The following TBCB variants were observed in gnomAD, a reference collection of about 807,000 sequenced individuals.
The protein encoded by TBCB is tubulin folding cofactor B, also known as tubulin-folding cofactor B.
A neutral mutation model predicts 29.2 loss-of-function variants in TBCB; 18 were observed. The ratio of observed to expected loss-of-function variants is 0.62; its 90% confidence interval spans 0.43 to 0.91. The LOEUF (loss-of-function observed/expected upper bound fraction) is 0.91. Among genes scored for constraint, TBCB ranks in the 40% least tolerant of loss-of-function variants. The pLI, the probability that TBCB is intolerant of heterozygous loss-of-function variation, is 0.00. For synonymous variants in TBCB, 172 were observed against 137.8 expected (o/e 1.25, Z -1.74); for missense variants, 336 against 337.6 (o/e 1.00, Z 0.04).
At chr19:36,123,108 G>A (rs76039766) in intron 4 of TBCB, among the ~76,000 whole-genome samples, 2,568 of 152,220 alleles carry the variant, frequency 0.017, 81 homozygotes, top group African/African-American at 0.058. Context: ...AGTTTCATCC[G>A]TGGCATGCCT....
intron 1 of TBCB, 79 bp downstream of exon 1, chr19:36,115,753 C>T (rs1973939703): frequency 7.7e-7 from 1 of 1,298,318 alleles, no homozygotes; most frequent in Non-Finnish European, 1.1e-6. Flanking sequence ...CTGGGAGGGG[C>T]CGGGGAGTGA....
intron 2 of TBCB, 120 bp downstream of exon 2, chr19:36,116,304 C>T (rs1261100682): frequency 1.5e-6 from 2 of 1,338,294 alleles, no homozygotes; most frequent in African/African-American, 2.9e-5. Context: ...GTGGAGCCTC[C>T]AGTGCAGCCT....
chr19:36,116,946 C>T (rs550101841), intron 2 of TBCB, among the ~76,000 whole-genome samples: 2 of 152,234 alleles, frequency 1.3e-5, no homozygotes, highest in African/African-American at 2.4e-5. Context: ...TCCCTCCCGA[C>T]CTCACTCAGT....
chr19:36,116,260 G>A, intron 2 of TBCB, 76 bp downstream of exon 2: 1 of 1,573,646 alleles, frequency 6.4e-7, no homozygotes, highest in South Asian at 1.2e-5. Context: ...GCTGGGCTTT[G>A]CCCTCAGTCA....
intron 2 of TBCB, among the ~76,000 whole-genome samples, chr19:36,120,207 G>A (rs1390005101): frequency 6.6e-6 from 1 of 152,194 alleles, no homozygotes; most frequent in East Asian, 1.9e-4. Context: ...AGCACAGCCT[G>A]AGGGCAGAGT....
intron 1 of TBCB, 30 bp from the exon 2 acceptor site, chr19:36,116,011 C>G: frequency 1.9e-6 from 3 of 1,604,664 alleles, no homozygotes; most frequent in Non-Finnish European, 2.6e-6. Flanking sequence ...TCCGTGGCCT[C>G]CTTCTTCTCA....
chr19:36,124,693 G>A (rs780030014), intron 4 of TBCB, among the ~76,000 whole-genome samples: 2 of 152,074 alleles, frequency 1.3e-5, no homozygotes, highest in Admixed American at 1.3e-4. Context: ...ACAGGCGCCC[G>A]CCACCACACC....
chr19:36,117,341 G>GT (rs1380478116), intron 2 of TBCB, among the ~76,000 whole-genome samples: 4 of 152,058 alleles, frequency 2.6e-5, no homozygotes, highest in Admixed American at 2.6e-4. Context: ...TCCGTGAATC[G>GT]TTTTTTGTTT....
chr19:36,120,187 C>T (rs535287446), intron 2 of TBCB, among the ~76,000 whole-genome samples: 1 of 152,288 alleles, frequency 6.6e-6, no homozygotes, highest in Non-Finnish European at 1.5e-5. Flanking sequence ...GGCCTTCTCC[C>T]TGCACAATGA....
chr19:36,119,364 C>G (rs1009252046), intron 2 of TBCB, among the ~76,000 whole-genome samples: 17 of 152,160 alleles, frequency 1.1e-4, no homozygotes, highest in Non-Finnish European at 2.4e-4. Flanking sequence ...TGGGCCCGCT[C>G]TCTCCCTCAC....
chr19:36,117,554 G>A (rs554656166), intron 2 of TBCB, among the ~76,000 whole-genome samples: 8 of 152,160 alleles, frequency 5.3e-5, no homozygotes, highest in African/African-American at 1.9e-4. Flanking sequence ...GTTTCACCAT[G>A]TTGGCCAGGC....
intron 2 of TBCB, chr19:36,120,488 G>A (rs1355235187): frequency 5.4e-6 from 3 of 551,124 alleles, no homozygotes; most frequent in Non-Finnish European, 9.8e-6. Context: ...TCTGGGGACA[G>A]AGGCAGCCTC....
chr19:36,122,888 A>C (rs906784374), intron 4 of TBCB, among the ~76,000 whole-genome samples: 1 of 151,832 alleles, frequency 6.6e-6, no homozygotes, highest in African/African-American at 2.4e-5. Context: ...CCAACAGATA[A>C]TTTTTCAACC....
intron 4 of TBCB, chr19:36,122,078 G>A: frequency 2.9e-6 from 1 of 346,008 alleles, no homozygotes; most frequent in Non-Finnish European, 5.4e-6. Flanking sequence ...TGAGCCCAGA[G>A]GAAGCACCTG....
At chr19:36,122,337 T>C (rs375335190) in intron 4 of TBCB, among the ~76,000 whole-genome samples, 1 of 151,878 alleles carries the variant, frequency 6.6e-6, no homozygotes, top group African/African-American at 2.4e-5. Flanking sequence ...CTCAGCACTT[T>C]GGGAGAACAA....
intron 1 of TBCB, 82 bp downstream of exon 1, chr19:36,115,756 G>A (rs1973939795): frequency 9.2e-6 from 12 of 1,299,634 alleles, no homozygotes; most frequent in South Asian, 1.3e-5. Context: ...GGAGGGGCCG[G>A]GGAGTGACTG....
chr19:36,123,378 G>A (rs570231851), intron 4 of TBCB, among the ~76,000 whole-genome samples: 6 of 150,886 alleles, frequency 4.0e-5, no homozygotes, highest in East Asian at 3.9e-4. Context: ...CTCCCACCTC[G>A]GCCTCCTGAG....
chr19:36,120,822 C>T lies in TBCB; in HGVS notation c.355+16C>T, dbSNP rs776599635. 131 of 1,612,818 alleles carry T rather than the reference C, an allele frequency of 8.1e-5. No individual in the cohort carries two copies. Among genetic ancestry groups the T allele is most frequent in the Non-Finnish European group, 1.1e-4 (124 of 1,179,328 alleles). ...CAGAGGCAAGGTACGGGCAGGTGGGCGTCGAGGGGTGCGTGGGGGCCAGAG... is the reference window on the plus strand; with the variant it reads ...CAGAGGCAAGGTACGGGCAGGTGGGTGTCGAGGGGTGCGTGGGGGCCAGAG... On this transcript the variant is annotated intron_variant, in intron 3 of 5. Coordinates refer to ENST00000221855, the MANE Select transcript of TBCB (RefSeq NM_001281.3).
upstream of TBCB, chr19:36,115,344 A>T: frequency 3.5e-6 from 2 of 571,446 alleles, no homozygotes; most frequent in Non-Finnish European, 6.2e-6. Flanking sequence ...GCCCCTCTGG[A>T]TTGGCTGGGC....
Sources: allele counts gnomAD v4.1 joint callset (sites outside exome capture counted in the v4.1 genomes callset), GRCh38; gene constraint gnomAD v4.1.1; transcripts MANE v1.5; gene names NCBI Gene and HGNC (gene_info 2026-07-23, HGNC 2026-07-21).